The following ASZ1 variants were observed in gnomAD, a reference collection of about 807,000 sequenced individuals.
ASZ1 encodes the protein ankyrin repeat, SAM and basic leucine zipper domain containing 1, also known as ankyrin repeat, SAM and basic leucine zipper domain-containing protein 1.
ASZ1 carries 67 observed loss-of-function variants against 61.8 expected under a neutral mutation model. The ratio of observed to expected loss-of-function variants is 1.08; its 90% CI spans 0.89 to 1.33. ASZ1 has a LOEUF of 1.33. Among genes scored for constraint, ASZ1 ranks in the 40% most tolerant of loss-of-function variants. ASZ1 has a pLI of 0.00. For synonymous variants in ASZ1, 193 were observed against 192.7 expected, an observed-to-expected ratio of 1.00 and a Z score of -0.01; for missense variants, 577 against 554.5, an observed-to-expected ratio of 1.04 and a Z score of -0.41.
Position 117,426,754 on chromosome 7 carries a change from G to GCAA in ASZ1, c.205+79_205+81dup, listed in dbSNP as rs1797224532. 4.1e-6 allele frequency: 5 copies of GCAA among 1,213,746 alleles called. No homozygotes were observed. The South Asian group carries it at 8.1e-5, about 20-fold the overall frequency. 75.2% of individuals were successfully genotyped at this position (1,213,746 alleles called of 1,614,324 possible). On this transcript the variant is annotated intron_variant, in intron 2 of 12. Coordinates refer to ENST00000284629, the MANE Select transcript of ASZ1 (RefSeq NM_130768.3). ...CATTTGTTGCGTTTCCATTAGAAAA[G>GCAA]CAACATAAACCTTTTAAAAATAAAG...
intron 4 of ASZ1, among the ~76,000 whole-genome samples, chr7:117,410,688 G>C (rs974307330): frequency 7.9e-5 from 12 of 151,280 alleles, no homozygotes; most frequent in African/African-American, 2.9e-4. Flanking sequence ...ACTGATATCA[G>C]CTATTAGTAC....
chr7:117,411,213 T>G (rs1404518650), intron 4 of ASZ1, among the ~76,000 whole-genome samples: 1 of 151,788 alleles, frequency 6.6e-6, no homozygotes, highest in East Asian at 1.9e-4. Flanking sequence ...TGAGTAGCAG[T>G]ATTAACATAT....
intron 11 of ASZ1, chr7:117,368,394 C>T (rs1795984980): frequency 1.6e-6 from 2 of 1,214,732 alleles, no homozygotes; most frequent in African/African-American, 3.2e-5. Flanking sequence ...TTTGGTCTGA[C>T]TCATTTTCTT....
intron 4 of ASZ1, among the ~76,000 whole-genome samples, chr7:117,418,221 G>A (rs1797032973): frequency 6.6e-6 from 1 of 152,152 alleles, no homozygotes; most frequent in South Asian, 2.1e-4. Flanking sequence ...ACTTCTAAAG[G>A]TATACATCAA....
intron 4 of ASZ1, among the ~76,000 whole-genome samples, chr7:117,419,645 C>T (rs1797062613): frequency 6.6e-6 from 1 of 152,146 alleles, no homozygotes; most frequent in Non-Finnish European, 1.5e-5. Context: ...ATTTTTATTA[C>T]TGACATTTCA....
intron 4 of ASZ1, among the ~76,000 whole-genome samples, chr7:117,399,845 C>T (rs1235781474): frequency 6.6e-6 from 1 of 152,014 alleles, no homozygotes; most frequent in Non-Finnish European, 1.5e-5. Flanking sequence ...TTAAGCTTTA[C>T]AATATGTAAT....
At chr7:117,391,862 G>T (rs982641114) in intron 4 of ASZ1, among the ~76,000 whole-genome samples, 1 of 151,832 alleles carries the variant, frequency 6.6e-6, no homozygotes, top group South Asian at 2.1e-4. Context: ...GCATGATCTC[G>T]GGTCAATGCA....
intron 6 of ASZ1, 29 bp from the exon 7 acceptor site, chr7:117,383,139 AATT>A (rs1796287068): frequency 6.6e-7 from 1 of 1,510,512 alleles, no homozygotes; most frequent in African/African-American, 1.4e-5. Context: ...ATTCAAATAT[AATT>A]AACATTGCAT....
chr7:117,367,411 C>T lies in ASZ1; in HGVS notation c.1216G>A (p.Val406Ile), dbSNP rs775953490. The change falls in exon 12 of 13, where the codon GTT becomes ATT. Residue 406 changes from valine (V) to isoleucine (I), a missense_variant. Coordinates refer to ENST00000284629, the MANE Select transcript of ASZ1 (RefSeq NM_130768.3). ...QNFTSVCEEL[V>I]NNVEDLSEKV... is the part of the protein sequence containing the mutation. ...TCACTCAAATCTTCAACATTATTAA[C>T]CAATTCTTCACAAACTGAAGTAAAA... The T allele has an allele frequency of 5.1e-6, 8 of 1,569,796 alleles. No individual in the cohort carries two copies. The highest frequency in any genetic ancestry group is 6.9e-6 in the Non-Finnish European group (8 of 1,160,068).
chr7:117,422,100 T>G, intron 3 of ASZ1, 137 bp downstream of exon 3: 1 of 883,516 alleles, frequency 1.1e-6, no homozygotes, highest in Non-Finnish European at 1.6e-6. Flanking sequence ...AATTTGATTT[T>G]GTATATTATT....
At chr7:117,375,886 A>T (rs1796126930) in intron 10 of ASZ1, among the ~76,000 whole-genome samples, 1 of 152,098 alleles carries the variant, frequency 6.6e-6, no homozygotes, top group Non-Finnish European at 1.5e-5. Flanking sequence ...AAAGTCTCAA[A>T]AATGATCTAG....
chr7:117,367,632 A>ATAAAAATTT, intron 11 of ASZ1, 167 bp from the exon 12 acceptor site: 3 of 1,132,350 alleles, frequency 2.6e-6, no homozygotes, highest in Non-Finnish European at 2.2e-6. Flanking sequence ...TTATAAAAAT[A>ATAAAAATTT]TAATCAAATG....
At chr7:117,384,248 A>T (rs1257690236) in intron 6 of ASZ1, among the ~76,000 whole-genome samples, 1 of 152,120 alleles carries the variant, frequency 6.6e-6, no homozygotes, top group Admixed American at 6.6e-5. Context: ...CAGATTATAC[A>T]TCCAGGTATA....
intron 4 of ASZ1, among the ~76,000 whole-genome samples, chr7:117,404,526 G>A (rs1410468302): frequency 6.6e-6 from 1 of 151,146 alleles, no homozygotes; most frequent in East Asian, 1.9e-4. Flanking sequence ...CCAGGATACT[G>A]GCTTCCATAT....
rs78867362 is a variant in ASZ1, at chr7:117,406,489, G to T, written c.440+13674C>A. On this transcript the variant is annotated intron_variant, in intron 4 of 12. Coordinates refer to ENST00000284629, the MANE Select transcript of ASZ1 (RefSeq NM_130768.3). ...AAATTGTGAGGTTTAAATAGAGATA[G>T]ATTTCTATAATCCCAGCACTTTGGG... Among the ~76,000 whole-genome samples the T allele has an allele frequency of 7.7e-3, 1,174 of 152,162 alleles. 15 individuals carry two copies. Among genetic ancestry groups the T allele is most frequent in the African/African-American group, 0.027 (1,107 of 41,516 alleles).
intron 4 of ASZ1, among the ~76,000 whole-genome samples, chr7:117,412,855 T>C (rs1407516486): frequency 2.0e-5 from 3 of 151,676 alleles, no homozygotes; most frequent in African/African-American, 4.8e-5. Flanking sequence ...AAAATGTCAA[T>C]TGCATGTATT....
At chr7:117,399,884 A>C (rs1168092800) in intron 4 of ASZ1, among the ~76,000 whole-genome samples, 1 of 152,186 alleles carries the variant, frequency 6.6e-6, no homozygotes, top group African/African-American at 2.4e-5. Context: ...AAAAAAATAA[A>C]AGTTGGTTAA....
intron 11 of ASZ1, 49 bp downstream of exon 11, chr7:117,368,563 G>A (rs1196592756): frequency 1.3e-6 from 2 of 1,588,510 alleles, no homozygotes; most frequent in Admixed American, 1.8e-5. Context: ...TATCTGGAAT[G>A]TTCTTCAGTG....
chr7:117,411,010 T>C (rs768669231), intron 4 of ASZ1, among the ~76,000 whole-genome samples: 4 of 151,676 alleles, frequency 2.6e-5, no homozygotes, highest in Non-Finnish European at 3.0e-5. Flanking sequence ...AATGTAGAAA[T>C]AGTAATTTCC....
Sources: allele counts gnomAD v4.1 joint callset (sites outside exome capture counted in the v4.1 genomes callset), GRCh38; gene constraint gnomAD v4.1.1; transcripts MANE v1.5; gene names NCBI Gene and HGNC (gene_info 2026-07-23, HGNC 2026-07-21).